Variants in UBN2 observed in about 807,000 individuals in gnomAD.
UBN2 encodes the protein ubinuclein 2.
A neutral mutation model predicts 120.2 loss-of-function variants in UBN2; 35 were observed. The observed-to-expected ratio is 0.29, with a 90% CI of 0.22 to 0.39. The LOEUF (loss-of-function observed/expected upper bound fraction) is 0.39. Among genes scored for constraint, UBN2 ranks in the 10% least tolerant of loss-of-function variants. UBN2 has a pLI of 1.00. For missense variants in UBN2, 1,693 were observed against 1,663.2 expected (o/e 1.02, Z -0.31); for synonymous variants, 661 against 648.7 (o/e 1.02, Z -0.29).
intron 14 of UBN2, among the ~76,000 whole-genome samples, chr7:139,282,383 C>G (rs1563221872): frequency 6.6e-6 from 1 of 152,084 alleles, no homozygotes; most frequent in Non-Finnish European, 1.5e-5. Context: ...TAGCATAGAG[C>G]CCTGCTCACA....
Position 139,297,943 on chromosome 7 carries a change from T to C in UBN2, c.*107T>C. On this transcript the variant is annotated 3_prime_UTR_variant, in exon 18 of 18. Coordinates refer to ENST00000473989, the MANE Select transcript of UBN2 (RefSeq NM_173569.4). The stretch of plus-strand genomic sequence containing the variant: ...GCTGCTGTTTCTGTCGATGTTTACA[T>C]TCTCTCGTCCCAAGCACTGTGGTGA... 4.0e-6 allele frequency: 5 copies of C among 1,249,876 alleles called. No homozygotes were observed. The highest frequency in any genetic ancestry group is 5.8e-6 in the Non-Finnish European group (5 of 859,992). 77.4% of individuals were successfully genotyped at this position (1,249,876 alleles called of 1,614,324 possible).
chr7:139,289,815 A>G (rs61376374), intron 15 of UBN2, among the ~76,000 whole-genome samples: 7,522 of 152,262 alleles, frequency 0.049, 331 homozygotes, highest in African/African-American at 0.11. Flanking sequence ...GGGAACTCCA[A>G]CTGGGGCACA....
the UBN2 span, among the ~76,000 whole-genome samples, chr7:139,319,267 G>A: frequency 6.6e-6 from 1 of 152,072 alleles, no homozygotes; most frequent in African/African-American, 2.4e-5. Flanking sequence ...ATTTTTAGTA[G>A]AGACAGGGTT....
rs777410951 is a variant in UBN2 at position 139,283,899 on chromosome 7, C to A, written c.2994C>A (p.Pro998=). The change falls in exon 15 of 18, where the codon CCC becomes CCA. Residue 998 remains proline, a synonymous_variant. Transcript: ENST00000473989. ...GAAATGGTTCTCAAGGGTCCCACCCCCTGGTTTCTAGGACAGTACCTAGCA... is the reference window on the plus strand; with the variant it reads ...GAAATGGTTCTCAAGGGTCCCACCCACTGGTTTCTAGGACAGTACCTAGCA... ...SPGNGSQGSH[P]LVSRTVPSTT... is the part of the protein sequence containing the mutation. 1.9e-6 allele frequency: 3 copies of A among 1,614,034 alleles called. No homozygotes were observed. In the East Asian group the frequency reaches 6.7e-5, roughly 36 times the overall value.
chr7:139,277,854 C>T lies in UBN2; in HGVS notation c.2025-1464C>T, dbSNP rs926898157. On this transcript the variant is annotated intron_variant, in intron 12 of 17. Coordinates refer to ENST00000473989, the MANE Select transcript of UBN2 (RefSeq NM_173569.4). ...TGAACCCTACATAGACTATTTTTTC[C>T]TATACATACATTCCTATAATAGATT... The T allele has an allele frequency of 2.0e-5, 3 of 152,240 alleles. No individual in the cohort carries two copies. In the South Asian group the frequency reaches 6.2e-4, roughly 32 times the overall value. 9.4% of individuals were successfully genotyped at this position (152,240 alleles called of 1,614,324 possible). A position where few individuals can be genotyped will look rare whatever the true frequency, so the allele number is the denominator to read the frequency against.
the UBN2 span, among the ~76,000 whole-genome samples, chr7:139,324,565 A>AG: frequency 6.6e-6 from 1 of 151,254 alleles, no homozygotes; most frequent in Non-Finnish European, 1.5e-5. Context: ...CAAAAAAAAA[A>AG]AAAAAAAAAA....
rs896868203 is a variant in UBN2, at chr7:139,258,508, T to G, written c.684T>G (p.Ala228=). 2 of 1,597,908 alleles carry G rather than the reference T, an allele frequency of 1.3e-6. No individual in the cohort carries two copies. Among genetic ancestry groups the G allele is most frequent in the African/African-American group, 2.7e-5 (2 of 73,436 alleles). The part of the protein sequence containing the change: ...NSEAYDELVP[A]SLTTKYGGFY... ...TCTAGTATGATGAATTAGTTCCCGC[T>G]TCTCTAACAACAAAATATGGAGGCT... The change falls in exon 4 of 18, where the codon GCT becomes GCG. Residue 228 remains alanine (A), a synonymous_variant. Transcript: ENST00000473989.
At chr7:139,288,715 T>A (rs530634731) in intron 15 of UBN2, among the ~76,000 whole-genome samples, 9 of 151,992 alleles carry the variant, frequency 5.9e-5, no homozygotes, top group African/African-American at 1.9e-4. Flanking sequence ...AAAAAAAATT[T>A]AATTGCGGCC....
chr7:139,281,537 A>G (rs1751418153), intron 13 of UBN2, among the ~76,000 whole-genome samples: 1 of 151,966 alleles, frequency 6.6e-6, no homozygotes, highest in Non-Finnish European at 1.5e-5. Flanking sequence ...CATCTATCCA[A>G]TCAGCTATCT....
the UBN2 span, among the ~76,000 whole-genome samples, chr7:139,321,701 C>G: frequency 6.6e-6 from 1 of 152,104 alleles, no homozygotes; most frequent in Admixed American, 6.6e-5. Flanking sequence ...CTCTCCAGAA[C>G]GCACGAGAAA....
chr7:139,296,594 A>C (rs1439807530), intron 17 of UBN2, among the ~76,000 whole-genome samples: 1 of 152,088 alleles, frequency 6.6e-6, no homozygotes, highest in Non-Finnish European at 1.5e-5. Context: ...TTGGCTTTCC[A>C]AGTCATTGGG....
intron 5 of UBN2, among the ~76,000 whole-genome samples, chr7:139,259,718 A>G (rs1796873385): frequency 6.6e-6 from 1 of 152,176 alleles, no homozygotes; most frequent in Admixed American, 6.5e-5. Context: ...GCCTATATGT[A>G]AACAATTTAT....
At chr7:139,291,291 G>A (rs1280540855) in intron 15 of UBN2, among the ~76,000 whole-genome samples, 1 of 149,604 alleles carries the variant, frequency 6.7e-6, no homozygotes, top group Non-Finnish European at 1.5e-5. Context: ...AACCCAGGAG[G>A]TGGAGGTTGC....
At chr7:139,273,483 A>G in intron 10 of UBN2, 73 bp downstream of exon 10, 1 of 1,066,756 alleles carries the variant, frequency 9.4e-7, no homozygotes, top group Non-Finnish European at 1.3e-6. Context: ...AAAATCTATA[A>G]TAAATATAAA....
intron 12 of UBN2, among the ~76,000 whole-genome samples, chr7:139,279,064 A>G (rs1161497791): frequency 6.6e-6 from 1 of 151,798 alleles, no homozygotes; most frequent in African/African-American, 2.4e-5. Flanking sequence ...TTTATGGTTT[A>G]TTTACATTTA....
At position 139,284,344 on chromosome 7, in the gene UBN2, T is replaced by G; in HGVS notation, c.3439T>G (p.Ser1147Ala). ...LPPTKNLQAP[S>A]KLTNSSSTGT... is the part of the protein sequence containing the mutation. ...ACCTACAAAAAATCTTCAGGCCCCC[T>G]CAAAGCTAACAAACTCATCATCCAC... Residue 1147 changes from serine to alanine, a missense_variant, in exon 15 of 18, where the codon TCA becomes GCA. Ser to Ala is a moderately conservative substitution (Grantham distance 99). This residue lies in a region of UBN2 where 837 missense variants were observed against 817.6 expected (regional missense o/e 1.02). Coordinates refer to ENST00000473989, the MANE Select transcript of UBN2 (RefSeq NM_173569.4). 1.2e-6 allele frequency: 2 copies of G among 1,614,108 alleles called. No individual in the cohort carries two copies. Among genetic ancestry groups the G allele is most frequent in the South Asian group, 1.1e-5 (1 of 91,084 alleles).
At chr7:139,259,587 T>C (rs1796868983) in intron 5 of UBN2, among the ~76,000 whole-genome samples, 1 of 152,218 alleles carries the variant, frequency 6.6e-6, no homozygotes, top group Non-Finnish European at 1.5e-5. Context: ...GGTGAAATGC[T>C]CATTACTACT....
rs575980119 is a variant in UBN2 at position 139,243,474 on chromosome 7, A to G, written c.561+6377A>G. On this transcript the variant is annotated intron_variant, in intron 2 of 17. Transcript: ENST00000473989. ...AACAGAAGTCTTTCTAGTAGGGAAG[A>G]TAGTATAATCCTTTGCCAATGTAAC... 2.0e-5 allele frequency among the ~76,000 whole-genome samples: 3 copies of G among 152,376 alleles called. No individual in the cohort carries two copies. In the East Asian group the frequency reaches 5.8e-4, roughly 29 times the overall value.
intron 14 of UBN2, 29 bp downstream of exon 14, chr7:139,282,084 T>C: frequency 6.2e-7 from 1 of 1,606,412 alleles, no homozygotes; most frequent in Non-Finnish European, 8.5e-7. Context: ...TCAATCAGTA[T>C]GTAATATAAC....
Sources: allele counts gnomAD v4.1 joint callset (sites outside exome capture counted in the v4.1 genomes callset), GRCh38; gene constraint gnomAD v4.1.1; regional missense constraint gnomAD v4.1.1; transcripts MANE v1.5; gene names NCBI Gene and HGNC (gene_info 2026-07-23, HGNC 2026-07-21).